Variants in LRP1B observed in about 807,000 individuals in gnomAD.
LRP1B encodes the protein low-density lipoprotein receptor-related protein 1B.
A neutral mutation model predicts 556.6 loss-of-function variants in LRP1B; 217 were observed. That is an observed-to-expected ratio of 0.39 (90% CI 0.35 to 0.44). LRP1B has a LOEUF of 0.44. LRP1B is among the 20% of genes least tolerant of loss of function. The probability of loss-of-function intolerance (pLI) is 1.00; values close to 1 mark genes in which losing one functional copy is unlikely to be tolerated. For synonymous variants in LRP1B, 2,047 were observed against 1,865.8 expected (o/e 1.10, Z -2.50); for missense variants, 5,053 against 5,620.8 (o/e 0.90, Z 3.23).
chr2:141,026,314 A>T (rs61295105), intron 11 of LRP1B, among the ~76,000 whole-genome samples: 5,108 of 152,130 alleles, frequency 0.034, 114 homozygotes, highest in African/African-American at 0.055. Flanking sequence ...ATATTTTCTA[A>T]TAGGTTTCAT....
At chr2:141,955,828 C>T (rs1197850106) in intron 1 of LRP1B, among the ~76,000 whole-genome samples, 3 of 152,032 alleles carry the variant, frequency 2.0e-5, no homozygotes, top group Non-Finnish European at 2.9e-5. Flanking sequence ...TTCCTGTTGA[C>T]CTTAGCCCTG....
chr2:141,808,496 T>C (rs762477322), intron 2 of LRP1B, among the ~76,000 whole-genome samples: 8 of 152,054 alleles, frequency 5.3e-5, no homozygotes, highest in Non-Finnish European at 1.2e-4. Flanking sequence ...GCCAAAGCAT[T>C]TATTATTGTT....
intron 66 of LRP1B, among the ~76,000 whole-genome samples, chr2:140,410,897 C>G (rs1052006131): frequency 1.3e-5 from 2 of 152,126 alleles, no homozygotes; most frequent in East Asian, 1.9e-4. Context: ...TGTCACAGGC[C>G]TGGGTTGAAC....
chr2:140,879,300 T>C (rs1288163821), intron 25 of LRP1B, among the ~76,000 whole-genome samples: 3 of 152,164 alleles, frequency 2.0e-5, no homozygotes, highest in Admixed American at 2.0e-4. Context: ...TTACCAGAAA[T>C]AGGCACTGTG....
chr2:141,661,947 T>C (rs190197911), intron 2 of LRP1B, among the ~76,000 whole-genome samples: 45 of 152,188 alleles, frequency 3.0e-4, no homozygotes, highest in Non-Finnish European at 4.4e-4. Context: ...CCAGGTCACG[T>C]ACAAAGGAAA....
chr2:141,031,164 A>G (rs1573999126), intron 11 of LRP1B, among the ~76,000 whole-genome samples: 1 of 151,756 alleles, frequency 6.6e-6, no homozygotes, highest in South Asian at 2.1e-4. Context: ...TTAAAATACA[A>G]TTTTAAGTGC....
chr2:140,497,348 A>T (rs1407133899), intron 55 of LRP1B, among the ~76,000 whole-genome samples: 2 of 151,954 alleles, frequency 1.3e-5, no homozygotes, highest in East Asian at 3.9e-4. Context: ...ACTGAGTGAC[A>T]ATATTACTTT....
At chr2:140,583,184 T>TGAGTCAGCATC (rs1681849139) in intron 43 of LRP1B, among the ~76,000 whole-genome samples, 1 of 131,988 alleles carries the variant, frequency 7.6e-6, no homozygotes. Flanking sequence ...TTTTTTTTTT[T>TGAGTCAGCATC]TTTTTTTTTG....
chr2:141,140,679 A>C (rs1192945550), intron 7 of LRP1B, among the ~76,000 whole-genome samples: 1 of 152,170 alleles, frequency 6.6e-6, no homozygotes, highest in Non-Finnish European at 1.5e-5. Flanking sequence ...AAACCTGCTG[A>C]CACCTTGACC....
intron 20 of LRP1B, among the ~76,000 whole-genome samples, chr2:140,928,434 A>T (rs1413074934): frequency 6.6e-6 from 1 of 152,154 alleles, no homozygotes; most frequent in Non-Finnish European, 1.5e-5. Context: ...TGTGGTGGTC[A>T]TTCAAAGACC....
chr2:140,282,627 C>T lies in LRP1B; in HGVS notation c.12968-8029G>A, dbSNP rs141558895. Among the ~76,000 whole-genome samples, 62 of 151,822 alleles carry T rather than the reference C, an allele frequency of 4.1e-4. 1 individual carries two copies. In the East Asian group the frequency reaches 0.012, roughly 28 times the overall value. ...CCAGCAGTTGGAATATTAAAGGATCCTGTAGCAGCAAAGGCAGCAGACCCA... is the reference window on the plus strand; with the variant it reads ...CCAGCAGTTGGAATATTAAAGGATCTTGTAGCAGCAAAGGCAGCAGACCCA... On this transcript the variant is annotated intron_variant, in intron 84 of 90. Coordinates refer to ENST00000389484, the MANE Select transcript of LRP1B (RefSeq NM_018557.3).
intron 62 of LRP1B, among the ~76,000 whole-genome samples, chr2:140,455,574 T>C (rs1439986360): frequency 6.6e-6 from 1 of 152,200 alleles, no homozygotes; most frequent in Non-Finnish European, 1.5e-5. Context: ...CTACACATTC[T>C]GGCTCCCTGA....
intron 1 of LRP1B, among the ~76,000 whole-genome samples, chr2:141,869,988 T>A (rs558373218): frequency 2.0e-5 from 3 of 152,154 alleles, no homozygotes; most frequent in Admixed American, 2.0e-4. Context: ...AGCTAAAGGA[T>A]CACAATTTTT....
At chr2:140,874,838 G>A (rs1693254332) in intron 25 of LRP1B, among the ~76,000 whole-genome samples, 1 of 151,744 alleles carries the variant, frequency 6.6e-6, no homozygotes, top group Admixed American at 6.6e-5. Context: ...GACCAACATG[G>A]TGAAATCTCA....
chr2:140,857,141 G>A (rs1295458411), intron 27 of LRP1B, among the ~76,000 whole-genome samples: 1 of 152,018 alleles, frequency 6.6e-6, no homozygotes, highest in African/African-American at 2.4e-5. Flanking sequence ...CAAACAACCA[G>A]TTTTTCCAAT....
intron 1 of LRP1B, among the ~76,000 whole-genome samples, chr2:141,871,232 G>A (rs1698577302): frequency 6.6e-6 from 1 of 151,910 alleles, no homozygotes; most frequent in South Asian, 2.1e-4. Flanking sequence ...CCTGTTCCAT[G>A]TGTTTCAATT....
chr2:141,413,402 A>G (rs1279224748), intron 3 of LRP1B, among the ~76,000 whole-genome samples: 4 of 152,172 alleles, frequency 2.6e-5, no homozygotes, highest in African/African-American at 9.7e-5. Flanking sequence ...TGAAGGAATG[A>G]GGCCATGAGC....
At chr2:141,052,167 C>T (rs1191580488) in intron 10 of LRP1B, among the ~76,000 whole-genome samples, 3 of 151,976 alleles carry the variant, frequency 2.0e-5, no homozygotes, top group Non-Finnish European at 4.4e-5. Flanking sequence ...GAATAAAGTA[C>T]CTTAACATCC....
intron 62 of LRP1B, among the ~76,000 whole-genome samples, chr2:140,454,226 T>A (rs1316848882): frequency 2.0e-5 from 3 of 152,116 alleles, no homozygotes; most frequent in African/African-American, 7.2e-5. Context: ...TTGGCTCACT[T>A]CAGCCTCCGC....
Sources: gnomAD v4.1 joint callset for allele counts (sites outside exome capture counted in the v4.1 genomes callset) on GRCh38, gnomAD v4.1.1 for gene constraint, MANE v1.5 for transcripts, NCBI Gene and HGNC (gene_info 2026-07-23, HGNC 2026-07-21) for gene names.